Variants in IL20RB observed in about 807,000 individuals in gnomAD.
IL20RB encodes the protein interleukin 20 receptor subunit beta, also known as interleukin-20 receptor subunit beta.
IL20RB carries 21 observed loss-of-function variants against 33.3 expected under a neutral mutation model. That is an observed-to-expected ratio of 0.63 (90% confidence interval 0.45 to 0.91). IL20RB has a LOEUF of 0.91. Ranked by LOEUF, IL20RB falls within the 40% of genes least tolerant of loss-of-function variation. IL20RB has a pLI of 0.00. For synonymous variants in IL20RB, 147 were observed against 146.8 expected (o/e 1.00, Z -0.01); for missense variants, 345 against 384.8 (o/e 0.90, Z 0.86).
intron 6 of IL20RB, among the ~76,000 whole-genome samples, chr3:137,009,272 C>T (rs76617922): frequency 0.016 from 2,379 of 152,218 alleles, 52 homozygotes; most frequent in East Asian, 0.13. Flanking sequence ...TGTAGAAGAA[C>T]CTAGAGATTT....
chr3:136,993,963 A>G (rs1207479072), intron 5 of IL20RB, among the ~76,000 whole-genome samples: 2 of 151,708 alleles, frequency 1.3e-5, no homozygotes, highest in Non-Finnish European at 2.9e-5. Flanking sequence ...CAGTGAGCCG[A>G]GATTGCGCCA....
At chr3:136,980,910 A>G (rs1303482490) in intron 2 of IL20RB, among the ~76,000 whole-genome samples, 1 of 152,208 alleles carries the variant, frequency 6.6e-6, no homozygotes, top group East Asian at 1.9e-4. Context: ...CAGATCCTTT[A>G]AGGGTGGAGG....
At chr3:136,996,412 C>T (rs1942128524) in intron 6 of IL20RB, among the ~76,000 whole-genome samples, 2 of 152,172 alleles carry the variant, frequency 1.3e-5, no homozygotes, top group Non-Finnish European at 2.9e-5. Flanking sequence ...CAGTTCTCTC[C>T]TGGGAAGAGG....
In IL20RB at chr3:136,987,927, C is replaced by T. The variant is rs540485657; in HGVS notation, c.407-1514C>T. ...CGCCCACCCGGAACTCCAGCTGGCC[C>T]GCAAGCGCCGCGTGCAGCCCCGGTT... On this transcript the variant is annotated intron_variant, in intron 3 of 6. Transcript: ENST00000329582. Among the ~76,000 whole-genome samples, 9 of 152,312 alleles carry T rather than the reference C, an allele frequency of 5.9e-5. No homozygotes were observed. In the South Asian group the frequency reaches 1.9e-3, roughly 32 times the overall value.
intron 6 of IL20RB, among the ~76,000 whole-genome samples, chr3:137,000,902 A>G (rs1942230368): frequency 6.6e-6 from 1 of 152,188 alleles, no homozygotes; most frequent in African/African-American, 2.4e-5. Context: ...TCAGGGGGCC[A>G]GAAGAGTTTT....
At chr3:136,982,389 C>T (rs1941798929) in intron 3 of IL20RB, 39 bp downstream of exon 3, 2 of 1,430,364 alleles carry the variant, frequency 1.4e-6, no homozygotes, top group African/African-American at 2.8e-5. Flanking sequence ...CCCCAACCAG[C>T]CCCTCCTTTA....
intron 6 of IL20RB, among the ~76,000 whole-genome samples, chr3:137,006,471 T>TA (rs1942352393): frequency 6.6e-6 from 1 of 152,130 alleles, no homozygotes; most frequent in African/African-American, 2.4e-5. Flanking sequence ...CTTTTTTTTT[T>TA]AACTCTTTTT....
intron 1 of IL20RB, chr3:136,969,493 G>A (rs1324939127): frequency 7.2e-6 from 1 of 138,830 alleles, no homozygotes; most frequent in South Asian, 2.5e-4. Context: ...CTTTGACTCG[G>A]AAAGGGAACT....
rs200576347 is a variant in IL20RB at position 136,992,108 on chromosome 3, C to A, written c.682+20C>A. On this transcript the variant is annotated intron_variant, in intron 5 of 6. Coordinates refer to ENST00000329582, the MANE Select transcript of IL20RB (RefSeq NM_144717.4). ...TGCAAGGTAAGGATGGCTTCTCTGT[C>A]CCTGGAGCCCTGCACAGGTGATAGC... 2 of 1,612,720 alleles carry A rather than the reference C, an allele frequency of 1.2e-6. No individual in the cohort carries two copies. Among genetic ancestry groups the A allele is most frequent in the South Asian group, 2.2e-5 (2 of 90,930 alleles).
intron 1 of IL20RB, among the ~76,000 whole-genome samples, chr3:136,962,981 T>C (rs1941265654): frequency 6.6e-6 from 1 of 152,124 alleles, no homozygotes; most frequent in Admixed American, 6.6e-5. Context: ...ATAATTGTGC[T>C]ATGGTTATGT....
At chr3:136,973,948 T>A (rs1200877823) in intron 1 of IL20RB, among the ~76,000 whole-genome samples, 1 of 152,188 alleles carries the variant, frequency 6.6e-6, no homozygotes, top group African/African-American at 2.4e-5. Context: ...TCCATATATG[T>A]CTTTACTGGT....
At chr3:136,998,019 C>T (rs1317960973) in intron 6 of IL20RB, among the ~76,000 whole-genome samples, 1 of 152,078 alleles carries the variant, frequency 6.6e-6, no homozygotes, top group Non-Finnish European at 1.5e-5. Context: ...ATCCACCCGC[C>T]TTGGCCTCCC....
At chr3:137,004,258 T>A (rs1942306187) in intron 6 of IL20RB, among the ~76,000 whole-genome samples, 1 of 152,240 alleles carries the variant, frequency 6.6e-6, no homozygotes, top group Non-Finnish European at 1.5e-5. Flanking sequence ...GGCTTTGATA[T>A]CAGGATGATG....
At chr3:137,007,462 C>T (rs904557743) in intron 6 of IL20RB, among the ~76,000 whole-genome samples, 2 of 152,220 alleles carry the variant, frequency 1.3e-5, no homozygotes, top group South Asian at 2.1e-4. Flanking sequence ...AGCTTCCTGG[C>T]TGCTTTGTTT....
chr3:136,959,637 T>G (rs539594313), intron 1 of IL20RB: 1 of 152,350 alleles, frequency 6.6e-6, no homozygotes, highest in South Asian at 2.1e-4. Flanking sequence ...ACGCCCGTCT[T>G]ATAAGTATTT....
intron 1 of IL20RB, among the ~76,000 whole-genome samples, chr3:136,963,763 T>C (rs1466203565): frequency 8.4e-6 from 1 of 119,490 alleles, no homozygotes; most frequent in Non-Finnish European, 1.7e-5. Flanking sequence ...TACATATGTA[T>C]ACATGTGCCA....
Position 137,010,226 on chromosome 3 carries a change from T to G in IL20RB, c.*3T>G. Reference sequence around the variant, plus strand: ...TCCTCAGGGCCTGGATCTCATAGGTTTGCGGAAGGGCCCAGGTGAAGCCGA... The same window carrying G: ...TCCTCAGGGCCTGGATCTCATAGGTGTGCGGAAGGGCCCAGGTGAAGCCGA... On this transcript the variant is annotated 3_prime_UTR_variant, in exon 7 of 7. Coordinates refer to ENST00000329582, the MANE Select transcript of IL20RB (RefSeq NM_144717.4). 1 of 1,439,672 alleles carries G rather than the reference T, an allele frequency of 6.9e-7. No individual in the cohort carries two copies. Among genetic ancestry groups the G allele is most frequent in the Non-Finnish European group, 9.8e-7 (1 of 1,020,962 alleles). The allele number at this position is 1,439,672 out of a possible 1,614,324, so 89.2% of individuals were successfully genotyped here. A position where few individuals can be genotyped will look rare whatever the true frequency, so the allele number is the denominator to read the frequency against.
chr3:137,006,582 C>T (rs1040691016), intron 6 of IL20RB, among the ~76,000 whole-genome samples: 7 of 152,050 alleles, frequency 4.6e-5, no homozygotes, highest in African/African-American at 1.2e-4. Context: ...CTTGTGCATG[C>T]GTCATGAAGT....
In IL20RB at chr3:137,010,102, T is replaced by C. The variant is rs1183651901; in HGVS notation, c.826-11T>C. ...ATCCTCTAATGAATATTAATGAAAA[T>C]TATTTTTCAGAAAATAACCAATTCA... On this transcript the variant is annotated splice_polypyrimidine_tract_variant and intron_variant, in intron 6 of 6. Coordinates refer to ENST00000329582, the MANE Select transcript of IL20RB (RefSeq NM_144717.4). 1 of 1,344,916 alleles carries C rather than the reference T, an allele frequency of 7.4e-7. No homozygotes were observed. Among genetic ancestry groups the C allele is most frequent in the Admixed American group, 1.7e-5 (1 of 59,688 alleles). 83.3% of individuals were successfully genotyped at this position (1,344,916 alleles called of 1,614,324 possible). A position where few individuals can be genotyped will look rare whatever the true frequency, so the allele number is the denominator to read the frequency against.
Sources: gnomAD v4.1 joint callset for allele counts (sites outside exome capture counted in the v4.1 genomes callset) on GRCh38, gnomAD v4.1.1 for gene constraint, MANE v1.5 for transcripts, NCBI Gene and HGNC (gene_info 2026-07-23, HGNC 2026-07-21) for gene names.